APLP2: variants seen among roughly 807,000 people sequenced by gnomAD.
APLP2 encodes the protein CDEI box-binding protein.
Under a neutral mutation model 89.9 loss-of-function variants are expected in APLP2, and 53 were observed. That is an observed-to-expected ratio of 0.59 (90% CI 0.47 to 0.74). The LOEUF is 0.74. Ranked by LOEUF, APLP2 falls within the 30% of genes least tolerant of loss-of-function variation. The pLI is 0.00. For missense variants in APLP2, 973 were observed against 975.9 expected (o/e 1.00, Z 0.04); for synonymous variants, 372 against 348.6 (o/e 1.07, Z -0.75).
chr11:130,125,677 A>G lies in APLP2; in HGVS notation c.1091-1023A>G, dbSNP rs565055671. Among the ~76,000 whole-genome samples the G allele has an allele frequency of 3.3e-5, 5 of 152,328 alleles. 1 individual carries two copies. The highest frequency in any genetic ancestry group is 4.1e-4 in the South Asian group (2 of 4,830). Reference sequence around the variant, plus strand: ...ATGTATTAAAATGATACAATTCTAGAAATTAGGTGAATTTGCTTCTGAATT... The same window carrying G: ...ATGTATTAAAATGATACAATTCTAGGAATTAGGTGAATTTGCTTCTGAATT... On this transcript the variant is annotated intron_variant, in intron 7 of 16. Transcript: ENST00000338167.
Position 130,121,808 on chromosome 11 carries a change from A to G in APLP2, c.711A>G (p.Lys237=), listed in dbSNP as rs754360304. Residue 237 remains lysine (K), a splice_region_variant and synonymous_variant, in exon 5 of 17, where the codon AAA becomes AAG. Transcript: ENST00000338167. ...AAGAGGAAGACTATGATGTTTATAA[A>G]AGGTAACTCTTCTACTTTGAACTGT... ...EDEEEDYDVY[K]SEFPTEADLE... The G allele has an allele frequency of 6.2e-7, 1 of 1,609,822 alleles. No individual in the cohort carries two copies. Among genetic ancestry groups the G allele is most frequent in the South Asian group, 1.1e-5 (1 of 91,042 alleles).
chr11:130,077,638 A>G (rs1014972902), intron 1 of APLP2, among the ~76,000 whole-genome samples: 1 of 151,900 alleles, frequency 6.6e-6, no homozygotes, highest in Non-Finnish European at 1.5e-5. Flanking sequence ...AAACCACTGG[A>G]TACGGAAATA....
At chr11:130,110,792 T>G (rs1485325122) in intron 3 of APLP2, 131 bp downstream of exon 3, 1 of 1,224,422 alleles carries the variant, frequency 8.2e-7, no homozygotes, top group Admixed American at 2.8e-5. Context: ...TTGGGGAGGA[T>G]TTCTCTTAGG....
rs757679042 is a variant in APLP2 at position 130,070,663 on chromosome 11, C to T, written c.105+581C>T. On this transcript the variant is annotated intron_variant, in intron 1 of 16. Transcript: ENST00000338167. ...CGCGCCAGGCCGCCCGCTGCTCCCT[C>T]TGCCGCCTGGGGCCGGGTCGCGGAC... 1.2e-5 allele frequency: 17 copies of T among 1,477,064 alleles called. No individual in the cohort carries two copies. The South Asian group carries it at 1.9e-4, about 17-fold the overall frequency. 91.5% of individuals were successfully genotyped at this position (1,477,064 alleles called of 1,614,324 possible).
At chr11:130,127,419 A>G (rs1045312933) in intron 8 of APLP2, among the ~76,000 whole-genome samples, 11 of 152,206 alleles carry the variant, frequency 7.2e-5, no homozygotes, top group African/African-American at 1.2e-4. Flanking sequence ...ACACAGTCCC[A>G]TGTTGGGCTT....
rs937910833 is a variant in APLP2 at position 130,123,095 on chromosome 11, T to G, written c.923-517T>G. On this transcript the variant is annotated intron_variant, in intron 6 of 16. Transcript: ENST00000338167. The surrounding 1 kb of genome is among the most constrained non-coding windows in gnomAD (Gnocchi z 4.0). ...TGCTGATCGTATATTTGAAACCAAT[T>G]AAGATGCGAAGAATTATTTAGGACC... Among the ~76,000 whole-genome samples, 1 of 152,148 alleles carries G rather than the reference T, an allele frequency of 6.6e-6. No individual in the cohort carries two copies. The highest frequency in any genetic ancestry group is 1.5e-5 in the Non-Finnish European group (1 of 68,032).
At chr11:130,103,384 G>A (rs980122888) in intron 1 of APLP2, among the ~76,000 whole-genome samples, 1 of 152,034 alleles carries the variant, frequency 6.6e-6, no homozygotes, top group Non-Finnish European at 1.5e-5. Flanking sequence ...TAGCTGTCTG[G>A]ATTGATTCCA....
Position 130,123,574 on chromosome 11 carries a change from G to A in APLP2, c.923-38G>A, listed in dbSNP as rs945259538. On this transcript the variant is annotated intron_variant, in intron 6 of 16. Transcript: ENST00000338167. This position sits in a 1 kb window ranked among gnomAD's most constrained non-coding sequence, Gnocchi z 4.0. ...GCATTTTGAAGCATTTGACGTCACT[G>A]CCTCTGTCCTGCTGACACTCTGACC... 1 of 1,589,326 alleles carries A rather than the reference G, an allele frequency of 6.3e-7. No individual in the cohort carries two copies. The highest frequency in any genetic ancestry group is 8.6e-7 in the Non-Finnish European group (1 of 1,167,088).
intron 1 of APLP2, chr11:130,070,748 G>C: frequency 7.0e-7 from 1 of 1,438,474 alleles, no homozygotes. Context: ...CCCGCTCTGG[G>C]TGCGTTGACC....
rs762963531 is a variant in APLP2, at chr11:130,110,558, C to G, written c.300C>G (p.Ile100Met). ...AACAGATGTATCCAGAGCTACAGAT[C>G]ACAAATGTGATGGAGGCAAACCAGC... ...YCQEMYPELQ[I>M]TNVMEANQRV... The change falls in exon 3 of 17, where the codon ATC becomes ATG. Residue 100 changes from isoleucine (I) to methionine (M), a missense_variant. Coordinates refer to ENST00000338167, the MANE Select transcript of APLP2 (RefSeq NM_001142276.2). 4 of 1,613,744 alleles carry G rather than the reference C, an allele frequency of 2.5e-6. No individual in the cohort carries two copies. The South Asian group carries it at 3.3e-5, about 13-fold the overall frequency.
chr11:130,103,716 C>G (rs778188569), intron 1 of APLP2, among the ~76,000 whole-genome samples: 66 of 152,242 alleles, frequency 4.3e-4, no homozygotes, highest in Middle Eastern at 6.8e-3. Flanking sequence ...CTTGGGTGAC[C>G]TCATGTAACT....
rs561519015 is a variant in APLP2, at chr11:130,112,128, G to A, written c.403+1467G>A. On this transcript the variant is annotated intron_variant, in intron 3 of 16. Coordinates refer to ENST00000338167, the MANE Select transcript of APLP2 (RefSeq NM_001142276.2). The stretch of plus-strand genomic sequence containing the variant: ...TATAGTCATGATTTTCAAACTGTGC[G>A]CCGAGGCACCTCGGGGCATTGAAGC... Among the ~76,000 whole-genome samples, 17 of 152,280 alleles carry A rather than the reference G, an allele frequency of 1.1e-4. No individual in the cohort carries two copies. In the East Asian group the frequency reaches 2.3e-3, roughly 21 times the overall value.
rs572212043 is a variant in APLP2 at position 130,101,892 on chromosome 11, G to A, written c.106-7537G>A. ...TCCTGTTCCGGGATCCTGTCCAGGC[G>A]CCTGCATTGCATTTACTTGTCATTT... On this transcript the variant is annotated intron_variant, in intron 1 of 16. Transcript: ENST00000338167. 25 of 451,808 alleles carry A rather than the reference G, an allele frequency of 5.5e-5. 1 individual carries two copies. Among genetic ancestry groups the A allele is most frequent in the South Asian group, 3.0e-4 (19 of 63,328 alleles). The allele number at this position is 451,808 out of a possible 1,614,324, so 28.0% of individuals were successfully genotyped here. A position where few individuals can be genotyped will look rare whatever the true frequency, so the allele number is the denominator to read the frequency against.
chr11:130,094,889 A>C (rs1358527296), intron 1 of APLP2, among the ~76,000 whole-genome samples: 1 of 152,164 alleles, frequency 6.6e-6, no homozygotes, highest in Non-Finnish European at 1.5e-5. Flanking sequence ...CAGAGGAGGG[A>C]TGCATTCTAG....
chr11:130,133,558 C>G lies in APLP2; in HGVS notation c.1585-71C>G, dbSNP rs891658901. 1.1e-5 allele frequency: 12 copies of G among 1,119,806 alleles called. No individual in the cohort carries two copies. The African/African-American group carries it at 1.7e-4, about 16-fold the overall frequency. The allele number at this position is 1,119,806 out of a possible 1,614,324, so 69.4% of individuals were successfully genotyped here. A position where few individuals can be genotyped will look rare whatever the true frequency, so the allele number is the denominator to read the frequency against. Reference sequence around the variant, plus strand: ...TTTTTCCAGAAGTTGTGTCGATGTTCCAGCTGCAAGTTCCCTCCTGGCCTA... The same window carrying G: ...TTTTTCCAGAAGTTGTGTCGATGTTGCAGCTGCAAGTTCCCTCCTGGCCTA... On this transcript the variant is annotated intron_variant, in intron 11 of 16. Coordinates refer to ENST00000338167, the MANE Select transcript of APLP2 (RefSeq NM_001142276.2).
rs565247278 is a variant in APLP2 at position 130,121,762 on chromosome 11, A to G, written c.665A>G (p.Glu222Gly). 7.4e-5 allele frequency: 99 copies of G among 1,331,134 alleles called. No homozygotes were observed. The Middle Eastern group carries it at 1.1e-3, about 14-fold the overall frequency. The allele number at this position is 1,331,134 out of a possible 1,614,324, so 82.5% of individuals were successfully genotyped here. The change falls in exon 5 of 17, where the codon GAG (glutamate) becomes GGG (glycine). Residue 222 changes from glutamate to glycine, a missense_variant. Glu to Gly is a moderately conservative substitution (Grantham distance 98). Coordinates refer to ENST00000338167, the MANE Select transcript of APLP2 (RefSeq NM_001142276.2). The part of the protein sequence containing the change: ...VSKEEEEEDE[E>G]EEEEEDEEED... ...AAAGAAGAGGAAGAGGAAGATGAAG[A>G]GGAAGAGGAAGAGGAAGATGAAGAG... is the stretch of plus-strand genomic sequence containing the variant.
chr11:130,141,840 G>C lies in APLP2; in HGVS notation c.1999-79G>C, dbSNP rs918334803. 111 of 1,515,674 alleles carry C rather than the reference G, an allele frequency of 7.3e-5. No homozygotes were observed. The East Asian group carries it at 2.5e-3, about 34-fold the overall frequency. The allele number at this position is 1,515,674 out of a possible 1,614,324, so 93.9% of individuals were successfully genotyped here. ...TTTAGGGGCTCGACCTTCCAGGAGC[G>C]TGGCCCTCAGTGAGTTACTTGCCTC... On this transcript the variant is annotated intron_variant, in intron 15 of 16. Coordinates refer to ENST00000338167, the MANE Select transcript of APLP2 (RefSeq NM_001142276.2). The surrounding 1 kb of genome is among the most constrained non-coding windows in gnomAD (Gnocchi z 4.2).
intron 1 of APLP2, chr11:130,101,360 T>G (rs1203879508): frequency 6.6e-6 from 1 of 151,994 alleles, no homozygotes; most frequent in Non-Finnish European, 1.5e-5. Flanking sequence ...TTGTATTTTT[T>G]TTTTTTTAGT....
Position 130,142,069 on chromosome 11 carries a change from G to A in APLP2, c.2149G>A (p.Val717Met), listed in dbSNP as rs778526995. Residue 717 changes from valine to methionine, a missense_variant, in exon 16 of 17, where the codon GTG (valine) becomes ATG (methionine). Coordinates refer to ENST00000338167, the MANE Select transcript of APLP2 (RefSeq NM_001142276.2). ...GTATGGCACCATCAGCCACGGGATCGTGGAGGTGAGGAGCTGGGCTGCTGA... is the reference window on the plus strand; with the variant it reads ...GTATGGCACCATCAGCCACGGGATCATGGAGGTGAGGAGCTGGGCTGCTGA... Reference protein sequence around the residue: ...RQYGTISHGIVEVDPMLTPEE... With the variant: ...RQYGTISHGIMEVDPMLTPEE... The A allele has an allele frequency of 1.2e-5, 19 of 1,611,964 alleles. No individual in the cohort carries two copies. Among genetic ancestry groups the A allele is most frequent in the Admixed American group, 1.7e-5 (1 of 59,858 alleles).
Sources: allele counts gnomAD v4.1 joint callset (sites outside exome capture counted in the v4.1 genomes callset), GRCh38; gene constraint gnomAD v4.1.1; non-coding constraint Gnocchi (gnomAD v3.1); transcripts MANE v1.5; gene names NCBI Gene and HGNC (gene_info 2026-07-23, HGNC 2026-07-21).